The following GNG12 variants were observed in gnomAD, a reference collection of about 807,000 sequenced individuals.
The protein encoded by GNG12 is guanine nucleotide-binding protein G(I)/G(S)/G(O) subunit gamma-12.
For synonymous variants in GNG12, 28 were observed against 29.7 expected, an observed-to-expected ratio of 0.94 and a Z score of 0.19; for missense variants, 69 against 83.8, an observed-to-expected ratio of 0.82 and a Z score of 0.69.
intron 1 of GNG12, among the ~76,000 whole-genome samples, chr1:67,796,699 T>G (rs908087531): frequency 4.6e-5 from 7 of 152,208 alleles, no homozygotes; most frequent in African/African-American, 1.7e-4. Context: ...GTAAAGTCAA[T>G]TACTTAATGG....
intron 1 of GNG12, among the ~76,000 whole-genome samples, chr1:67,804,328 CTAGT>C (rs565439243): frequency 1.2e-4 from 19 of 152,184 alleles, no homozygotes; most frequent in Non-Finnish European, 2.8e-4. Flanking sequence ...CCCATCTTTT[CTAGT>C]TATGAAGACA....
chr1:67,743,512 A>G (rs1646493825), intron 2 of GNG12, among the ~76,000 whole-genome samples: 1 of 152,222 alleles, frequency 6.6e-6, no homozygotes, highest in African/African-American at 2.4e-5. Context: ...AAAAGCCTAG[A>G]TTAGATAAAG....
chr1:67,824,504 T>C (rs1285745404), intron 1 of GNG12, among the ~76,000 whole-genome samples: 2 of 91,722 alleles, frequency 2.2e-5, no homozygotes, highest in Non-Finnish European at 4.2e-5. Flanking sequence ...ACTGAGATCC[T>C]GTCTCAAAAA....
Position 67,818,413 on chromosome 1 carries a change from G to GTTTTTT in GNG12, c.-77+14925_-77+14930dup, listed in dbSNP as rs1163831257. The stretch of plus-strand genomic sequence containing the variant: ...AATTATTCATGGGGAAAGACCAGGG[G>GTTTTTT]TTTTTTTTTTTTTTTTTTTTTTTTT... On this transcript the variant is annotated intron_variant, in intron 1 of 3. Coordinates refer to ENST00000370982, the MANE Select transcript of GNG12 (RefSeq NM_018841.6). Among the ~76,000 whole-genome samples the GTTTTTT allele has an allele frequency of 8.1e-4, 68 of 83,876 alleles. 1 individual carries two copies. Among genetic ancestry groups the GTTTTTT allele is most frequent in the African/African-American group, 1.3e-3 (31 of 23,448 alleles). 55.0% of individuals were successfully genotyped at this position (83,876 alleles called of 152,430 possible). A position where few individuals can be genotyped will look rare whatever the true frequency, so the allele number is the denominator to read the frequency against.
intron 2 of GNG12, among the ~76,000 whole-genome samples, chr1:67,722,684 TGGAATG>T (rs1253590324): frequency 1.3e-5 from 2 of 152,158 alleles, no homozygotes; most frequent in African/African-American, 4.8e-5. Context: ...CTTTCTCATG[TGGAATG>T]GGAGCCACCA....
intron 1 of GNG12, among the ~76,000 whole-genome samples, chr1:67,805,866 T>A (rs1646891776): frequency 7.0e-6 from 1 of 143,818 alleles, no homozygotes; most frequent in Non-Finnish European, 1.5e-5. Flanking sequence ...TATTCCAACC[T>A]CAGAAAATCA....
chr1:67,724,738 G>C (rs1359522915), intron 2 of GNG12, among the ~76,000 whole-genome samples: 1 of 152,196 alleles, frequency 6.6e-6, no homozygotes, highest in African/African-American at 2.4e-5. Context: ...CATCTACAGT[G>C]ATAGAAACTA....
chr1:67,814,956 A>C (rs1408007673), intron 1 of GNG12, among the ~76,000 whole-genome samples: 1 of 152,214 alleles, frequency 6.6e-6, no homozygotes, highest in Non-Finnish European at 1.5e-5. Flanking sequence ...CCATAATCAA[A>C]GTTGTAAAAA....
intron 1 of GNG12, among the ~76,000 whole-genome samples, chr1:67,792,297 T>C (rs1646805919): frequency 6.6e-6 from 1 of 150,634 alleles, no homozygotes; most frequent in Non-Finnish European, 1.5e-5. Context: ...CAAGAAAAAA[T>C]ACACATTTTT....
chr1:67,769,048 A>C (rs1405977783), intron 2 of GNG12, among the ~76,000 whole-genome samples: 1 of 152,138 alleles, frequency 6.6e-6, no homozygotes, highest in Non-Finnish European at 1.5e-5. Flanking sequence ...ATGAGGACAT[A>C]AATCAGGTCC....
intron 1 of GNG12, among the ~76,000 whole-genome samples, chr1:67,819,001 A>G (rs1223134754): frequency 6.6e-6 from 1 of 152,160 alleles, no homozygotes; most frequent in Non-Finnish European, 1.5e-5. Flanking sequence ...ATTGTCTATG[A>G]GTTCAGGAAG....
At position 67,823,807 on chromosome 1, in the gene GNG12, T is replaced by C. The variant is rs564454494; in HGVS notation, c.-77+9537A>G. On this transcript the variant is annotated intron_variant, in intron 1 of 3. Coordinates refer to ENST00000370982, the MANE Select transcript of GNG12 (RefSeq NM_018841.6). ...CCACTTCTGGGAATCAATCCTTAAGTACACCTTCACAAAGCAAAATGATTT... is the reference window on the plus strand; with the variant it reads ...CCACTTCTGGGAATCAATCCTTAAGCACACCTTCACAAAGCAAAATGATTT... Among the ~76,000 whole-genome samples, 95 of 152,332 alleles carry C rather than the reference T, an allele frequency of 6.2e-4. 1 individual carries two copies. The highest frequency in any genetic ancestry group is 2.2e-3 in the African/African-American group (93 of 41,572).
rs960673671 is a variant in GNG12, at chr1:67,768,778, C to T, written c.-27+8680G>A. On this transcript the variant is annotated intron_variant, in intron 2 of 3. Coordinates refer to ENST00000370982, the MANE Select transcript of GNG12 (RefSeq NM_018841.6). ...TAGTCTATCTGCCCACACTAAGCCA[C>T]TTCCCTACTATAAAATGTATACATA... 7.9e-5 allele frequency among the ~76,000 whole-genome samples: 12 copies of T among 152,330 alleles called. No homozygotes were observed. In the South Asian group the frequency reaches 1.7e-3, roughly 21 times the overall value.
chr1:67,741,018 T>C (rs940303245), intron 2 of GNG12, among the ~76,000 whole-genome samples: 1 of 152,194 alleles, frequency 6.6e-6, no homozygotes, highest in African/African-American at 2.4e-5. Context: ...AACTAAAGAA[T>C]AAAACTATTC....
intron 2 of GNG12, among the ~76,000 whole-genome samples, chr1:67,762,129 C>T (rs1007670986): frequency 6.6e-6 from 1 of 152,196 alleles, no homozygotes; most frequent in Non-Finnish European, 1.5e-5. Flanking sequence ...TCTCACTGAA[C>T]TTTCTAGGGC....
intron 2 of GNG12, among the ~76,000 whole-genome samples, chr1:67,771,248 T>A (rs1646672650): frequency 6.6e-6 from 1 of 152,242 alleles, no homozygotes; most frequent in African/African-American, 2.4e-5. Context: ...TAACCTTTGC[T>A]AAGTCCTGAC....
intron 1 of GNG12, among the ~76,000 whole-genome samples, chr1:67,799,208 C>T (rs942672633): frequency 2.0e-5 from 3 of 152,166 alleles, no homozygotes; most frequent in African/African-American, 7.2e-5. Flanking sequence ...AACCACTAAA[C>T]TCTGTGTTGT....
At chr1:67,831,447 C>G (rs562769844) in intron 1 of GNG12, among the ~76,000 whole-genome samples, 11 of 152,256 alleles carry the variant, frequency 7.2e-5, no homozygotes, top group African/African-American at 2.6e-4. Context: ...TTGTGAAACA[C>G]AGATTCACAT....
Position 67,777,474 on chromosome 1 carries a change from G to T in GNG12, c.-43C>A. ...AGAACTTACCAGTAAGACTTTGTGT[G>T]GTCCAATGTTTTCAGGTTTTAAGTG... On this transcript the variant is annotated 5_prime_UTR_variant, in exon 2 of 4. Transcript: ENST00000370982. 2 of 922,372 alleles carry T rather than the reference G, an allele frequency of 2.2e-6. No homozygotes were observed. Among genetic ancestry groups the T allele is most frequent in the Non-Finnish European group, 2.6e-6 (2 of 772,448 alleles). The allele number at this position is 922,372 out of a possible 1,614,324, so 57.1% of individuals were successfully genotyped here. A position where few individuals can be genotyped will look rare whatever the true frequency, so the allele number is the denominator to read the frequency against.
Sources: gnomAD v4.1 joint callset for allele counts (sites outside exome capture counted in the v4.1 genomes callset) on GRCh38, gnomAD v4.1.1 for gene constraint, MANE v1.5 for transcripts, NCBI Gene and HGNC (gene_info 2026-07-23, HGNC 2026-07-21) for gene names.